SFXN1: variants seen among roughly 807,000 people sequenced by gnomAD.
SFXN1 encodes sideroflexin-1.
Under a neutral mutation model 39.5 loss-of-function variants are expected in SFXN1, and 32 were observed. That is an observed-to-expected ratio of 0.81 (90% confidence interval 0.61 to 1.09). SFXN1 has a LOEUF of 1.09. Among genes scored for constraint, SFXN1 ranks in the 50% least tolerant of loss-of-function variants. The pLI is 0.00. For missense variants in SFXN1, 402 were observed against 407.1 expected, an observed-to-expected ratio of 0.99 and a Z score of 0.11; for synonymous variants, 136 against 146.5, an observed-to-expected ratio of 0.93 and a Z score of 0.52.
intron 4 of SFXN1, among the ~76,000 whole-genome samples, chr5:175,510,519 C>T (rs1160447912): frequency 2.0e-5 from 3 of 152,130 alleles, no homozygotes; most frequent in Admixed American, 6.6e-5. Flanking sequence ...CAGGCAGCAC[C>T]GGCCTGGCCT....
intron 2 of SFXN1, among the ~76,000 whole-genome samples, chr5:175,495,384 G>A (rs1759820627): frequency 6.6e-6 from 1 of 152,120 alleles, no homozygotes; most frequent in Non-Finnish European, 1.5e-5. Context: ...TAGTGGTGAT[G>A]ACCACACAAT....
At position 175,528,306 on chromosome 5, in the gene SFXN1, T is replaced by C. The variant is rs1761135951; in HGVS notation, c.*1572T>C. 1 of 152,218 alleles carries C rather than the reference T, an allele frequency of 6.6e-6. No homozygotes were observed. Among genetic ancestry groups the C allele is most frequent in the South Asian group, 2.1e-4 (1 of 4,828 alleles). The allele number at this position is 152,218 out of a possible 1,614,324, so 9.4% of individuals were successfully genotyped here. A position where few individuals can be genotyped will look rare whatever the true frequency, so the allele number is the denominator to read the frequency against. ...GTATAACAACTATTTACATAGTGCTTACATTGTATTAGGTGTTATAAGCAA... is the reference window on the plus strand; with the variant it reads ...GTATAACAACTATTTACATAGTGCTCACATTGTATTAGGTGTTATAAGCAA... On this transcript the variant is annotated 3_prime_UTR_variant, in exon 11 of 11. Transcript: ENST00000321442.
At chr5:175,523,273 C>T (rs1326261012) in intron 10 of SFXN1, 1 of 152,232 alleles carries the variant, frequency 6.6e-6, no homozygotes, top group African/African-American at 2.4e-5. Context: ...AGCCCTTCAT[C>T]ACCTTGGAGC....
chr5:175,485,776 G>A (rs1344857740), intron 1 of SFXN1, among the ~76,000 whole-genome samples: 2 of 152,196 alleles, frequency 1.3e-5, no homozygotes, highest in Non-Finnish European at 2.9e-5. Flanking sequence ...CAGGATTTCG[G>A]TGGGTTTAAC....
intron 8 of SFXN1, among the ~76,000 whole-genome samples, chr5:175,518,533 G>A (rs1342010993): frequency 6.6e-6 from 1 of 152,178 alleles, no homozygotes; most frequent in Non-Finnish European, 1.5e-5. Context: ...AAAATACGCA[G>A]CGTTTAAAGT....
intron 10 of SFXN1, among the ~76,000 whole-genome samples, chr5:175,524,811 C>A (rs1378280183): frequency 1.3e-5 from 2 of 151,752 alleles, no homozygotes; most frequent in Non-Finnish European, 2.9e-5. Context: ...GAGAAAAGTA[C>A]AAATAATATG....
chr5:175,496,872 A>G (rs546860265), intron 2 of SFXN1, among the ~76,000 whole-genome samples: 6 of 151,504 alleles, frequency 4.0e-5, no homozygotes, highest in Non-Finnish European at 7.4e-5. Flanking sequence ...GGTATTTGTT[A>G]GGTTCTGTGC....
chr5:175,495,088 G>A (rs796713210), intron 2 of SFXN1, among the ~76,000 whole-genome samples: 4 of 152,348 alleles, frequency 2.6e-5, no homozygotes, highest in African/African-American at 7.2e-5. Context: ...CCGCCATACA[G>A]TGGAATCCCA....
At chr5:175,479,616 G>T (rs1759153834) in intron 1 of SFXN1, among the ~76,000 whole-genome samples, 1 of 152,034 alleles carries the variant, frequency 6.6e-6, no homozygotes, top group Non-Finnish European at 1.5e-5. Flanking sequence ...TGTGAACAGG[G>T]CCTATTTTGT....
chr5:175,498,800 C>T (rs1029766362), intron 2 of SFXN1, among the ~76,000 whole-genome samples: 4 of 151,936 alleles, frequency 2.6e-5, no homozygotes, highest in Non-Finnish European at 5.9e-5. Context: ...AAAATTGACT[C>T]AATCCAAAAG....
At chr5:175,516,740 T>C (rs1436204999) in intron 8 of SFXN1, 77 bp downstream of exon 8, 3 of 1,458,956 alleles carry the variant, frequency 2.1e-6, no homozygotes, top group Non-Finnish European at 2.8e-6. Flanking sequence ...GATTATTTGC[T>C]ACCTAAACAG....
At chr5:175,510,504 C>T (rs1165284274) in intron 4 of SFXN1, among the ~76,000 whole-genome samples, 1 of 152,120 alleles carries the variant, frequency 6.6e-6, no homozygotes, top group Non-Finnish European at 1.5e-5. Context: ...CTGTAGAACA[C>T]ATGGCAGGCA....
intron 10 of SFXN1, chr5:175,523,409 T>C (rs1171532390): frequency 6.6e-6 from 1 of 151,940 alleles, no homozygotes; most frequent in African/African-American, 2.4e-5. Flanking sequence ...AACCCCAGAG[T>C]CTTGGGGCTC....
intron 8 of SFXN1, among the ~76,000 whole-genome samples, chr5:175,517,110 A>C (rs1760735841): frequency 6.6e-6 from 1 of 152,182 alleles, no homozygotes. Flanking sequence ...ATGTTGCATA[A>C]GTTTCTTGCT....
intron 6 of SFXN1, among the ~76,000 whole-genome samples, 156 bp from the exon 7 acceptor site, chr5:175,513,296 TAAAAAAAAAAA>T (rs55761424): frequency 1.4e-3 from 89 of 65,282 alleles, no homozygotes; most frequent in African/African-American, 5.4e-3. Context: ...AGTGAGACTG[TAAAAAAAAAAA>T]AAAAAAAAAA....
intron 2 of SFXN1, among the ~76,000 whole-genome samples, chr5:175,505,386 A>T (rs551323247): frequency 1.3e-5 from 2 of 151,678 alleles, no homozygotes; most frequent in Non-Finnish European, 2.9e-5. Flanking sequence ...AATACAAAAA[A>T]AAAAGCTGAA....
chr5:175,507,992 A>AAAAAAAAG (rs879604357), intron 2 of SFXN1, among the ~76,000 whole-genome samples: 1 of 146,146 alleles, frequency 6.8e-6, no homozygotes, highest in Non-Finnish European at 1.5e-5. Context: ...AAAAAAAAAA[A>AAAAAAAAG]TTCTTCCTGA....
intron 7 of SFXN1, among the ~76,000 whole-genome samples, chr5:175,515,664 C>T (rs1289000513): frequency 1.3e-5 from 2 of 152,122 alleles, no homozygotes; most frequent in Non-Finnish European, 2.9e-5. Context: ...CAGGGTCACC[C>T]AGCTAGCAAG....
At chr5:175,512,971 A>G (rs1451997298) in intron 6 of SFXN1, among the ~76,000 whole-genome samples, 1 of 152,132 alleles carries the variant, frequency 6.6e-6, no homozygotes, top group African/African-American at 2.4e-5. Flanking sequence ...TTTTATTTCT[A>G]TCAAAGGAGG....
Sources: allele counts gnomAD v4.1 joint callset (sites outside exome capture counted in the v4.1 genomes callset), GRCh38; gene constraint gnomAD v4.1.1; transcripts MANE v1.5; gene names NCBI Gene and HGNC (gene_info 2026-07-23, HGNC 2026-07-21).